Variants in MRPS27 observed in about 807,000 individuals in gnomAD.
MRPS27 encodes small ribosomal subunit protein mS27.
A neutral mutation model predicts 48.9 loss-of-function variants in MRPS27; 43 were observed. That is an observed-to-expected ratio of 0.88 (90% CI 0.69 to 1.13). The LOEUF is 1.13. MRPS27 is among the 50% of genes most tolerant of loss of function. The pLI, the probability that MRPS27 is intolerant of heterozygous loss-of-function variation, is 0.00. For synonymous variants in MRPS27, 188 were observed against 171.9 expected, an observed-to-expected ratio of 1.09 and a Z score of -0.73; for missense variants, 467 against 476.3, an observed-to-expected ratio of 0.98 and a Z score of 0.18.
chr5:72,316,395 G>C (rs1750564823), intron 1 of MRPS27, among the ~76,000 whole-genome samples: 1 of 152,144 alleles, frequency 6.6e-6, no homozygotes, highest in African/African-American at 2.4e-5. Flanking sequence ...TTGAGATGGA[G>C]TTTTGCTCGT....
chr5:72,241,490 T>C, intron 4 of MRPS27: 1 of 655,412 alleles, frequency 1.5e-6, no homozygotes, highest in Non-Finnish European at 2.6e-6. Flanking sequence ...TATAAACAAG[T>C]CAAAACACTG....
At chr5:72,245,143 A>G (rs1748477844) in intron 4 of MRPS27, among the ~76,000 whole-genome samples, 1 of 152,158 alleles carries the variant, frequency 6.6e-6, no homozygotes, top group South Asian at 2.1e-4. Context: ...CTGCACCCAG[A>G]AGCAGCTGGT....
intron 4 of MRPS27, among the ~76,000 whole-genome samples, chr5:72,257,356 T>G (rs984764536): frequency 6.6e-6 from 1 of 152,138 alleles, no homozygotes; most frequent in Non-Finnish European, 1.5e-5. Context: ...CTCAGATTAT[T>G]TTTTCCTCTC....
chr5:72,304,965 T>G (rs1750221736), intron 2 of MRPS27, among the ~76,000 whole-genome samples: 1 of 152,278 alleles, frequency 6.6e-6, no homozygotes, highest in Non-Finnish European at 1.5e-5. Flanking sequence ...GAACTGATCT[T>G]GAAAAATACA....
At chr5:72,223,242 G>A (rs975463627) in intron 10 of MRPS27, among the ~76,000 whole-genome samples, 3 of 152,192 alleles carry the variant, frequency 2.0e-5, no homozygotes, top group Non-Finnish European at 2.9e-5. Context: ...GATGAGCAAA[G>A]AAAGATGCCC....
intron 4 of MRPS27, chr5:72,241,825 C>A: frequency 1.3e-6 from 1 of 746,762 alleles, no homozygotes; most frequent in South Asian, 1.7e-5. Flanking sequence ...TGTAGGAGTC[C>A]CCTCTGTGCG....
intron 10 of MRPS27, 27 bp downstream of exon 10, chr5:72,223,656 A>T (rs773741498): frequency 1.0e-4 from 164 of 1,613,184 alleles, no homozygotes; most frequent in Non-Finnish European, 1.2e-4. Context: ...TGCGCTGCTA[A>T]GAGAGACACG....
In MRPS27 at chr5:72,280,639, C is replaced by T. The variant is rs530282131; in HGVS notation, c.281+14892G>A. Among the ~76,000 whole-genome samples the T allele has an allele frequency of 2.0e-5, 3 of 152,310 alleles. No individual in the cohort carries two copies. The East Asian group carries it at 5.8e-4, about 29-fold the overall frequency. On this transcript the variant is annotated intron_variant, in intron 4 of 10. Transcript: ENST00000261413. ...ACAACTTTAGCCATTCTGAGCTGCT[C>T]TTGTGCATGCCAGATATCAAAACTA...
chr5:72,290,795 T>G (rs562045297), intron 4 of MRPS27, among the ~76,000 whole-genome samples: 1 of 152,358 alleles, frequency 6.6e-6, no homozygotes, highest in South Asian at 2.1e-4. Context: ...ATATAAAAAT[T>G]CTTTTAAACA....
intron 4 of MRPS27, among the ~76,000 whole-genome samples, chr5:72,295,082 A>G (rs1030915535): frequency 6.6e-6 from 1 of 152,054 alleles, no homozygotes; most frequent in African/African-American, 2.4e-5. Flanking sequence ...TTCACCTATC[A>G]GATTGGCAAA....
chr5:72,253,987 T>G (rs564328871), intron 4 of MRPS27, among the ~76,000 whole-genome samples: 1 of 152,178 alleles, frequency 6.6e-6, no homozygotes, highest in African/African-American at 2.4e-5. Flanking sequence ...CTATGCTATC[T>G]AGGCTGGTCT....
intron 4 of MRPS27, among the ~76,000 whole-genome samples, chr5:72,268,184 T>A (rs1302134363): frequency 6.6e-6 from 1 of 152,064 alleles, no homozygotes; most frequent in Non-Finnish European, 1.5e-5. Flanking sequence ...AAATTATAAG[T>A]CAAATCCTTA....
At chr5:72,271,348 T>A (rs1051714908) in intron 4 of MRPS27, among the ~76,000 whole-genome samples, 1 of 152,188 alleles carries the variant, frequency 6.6e-6, no homozygotes, top group Admixed American at 6.5e-5. Flanking sequence ...GAAAGTGGAA[T>A]TTAGGAAAAT....
At chr5:72,228,469 TAAGTA>T in intron 7 of MRPS27, 101 bp from the exon 8 acceptor site, 1 of 746,180 alleles carries the variant, frequency 1.3e-6, no homozygotes, top group Non-Finnish European at 2.2e-6. Context: ...GTTATAGCAT[TAAGTA>T]AACAAAGAAG....
intron 4 of MRPS27, among the ~76,000 whole-genome samples, chr5:72,289,445 G>A (rs184224299): frequency 6.6e-6 from 1 of 150,626 alleles, no homozygotes; most frequent in Admixed American, 6.6e-5. Flanking sequence ...TTTTGAGACA[G>A]GGGTCTCACT....
intron 4 of MRPS27, among the ~76,000 whole-genome samples, chr5:72,257,997 T>C (rs1245980219): frequency 6.6e-6 from 1 of 151,296 alleles, no homozygotes; most frequent in African/African-American, 2.4e-5. Context: ...GCCATGAGAA[T>C]TGCTTGAACC....
chr5:72,255,029 CTTTTTTTTTTTTTTTT>C (rs70999273), intron 4 of MRPS27, among the ~76,000 whole-genome samples: 3 of 72,092 alleles, frequency 4.2e-5, no homozygotes, highest in African/African-American at 1.0e-4. Context: ...CATTTCTTTT[CTTTTTTTTTTTTTTTT>C]TTTTTTTTTT....
intron 9 of MRPS27, among the ~76,000 whole-genome samples, chr5:72,225,321 A>G (rs1203648639): frequency 6.6e-6 from 1 of 152,228 alleles, no homozygotes; most frequent in Non-Finnish European, 1.5e-5. Flanking sequence ...AAAAACAAAT[A>G]TGTGGCTCTA....
intron 5 of MRPS27, among the ~76,000 whole-genome samples, chr5:72,235,895 G>A (rs532603491): frequency 5.3e-5 from 8 of 150,586 alleles, no homozygotes; most frequent in Admixed American, 1.3e-4. Flanking sequence ...CTTTTCCTTC[G>A]TCTTGTCACT....
Sources: allele counts gnomAD v4.1 joint callset (sites outside exome capture counted in the v4.1 genomes callset), GRCh38; gene constraint gnomAD v4.1.1; transcripts MANE v1.5; gene names NCBI Gene and HGNC (gene_info 2026-07-23, HGNC 2026-07-21).